Variants in SORCS2 observed in about 807,000 individuals in gnomAD.
SORCS2 encodes VPS10 domain-containing receptor SorCS2.
A neutral mutation model predicts 141.6 loss-of-function variants in SORCS2; 100 were observed. The ratio of observed to expected loss-of-function variants is 0.71; its 90% CI spans 0.60 to 0.83. SORCS2 has a LOEUF of 0.83. SORCS2 is among the 40% of genes least tolerant of loss of function. The pLI, the probability that SORCS2 is intolerant of heterozygous loss-of-function variation, is 0.00. For missense variants in SORCS2, 1,646 were observed against 1,560.2 expected, an observed-to-expected ratio of 1.05 and a Z score of -0.93; for synonymous variants, 789 against 676.9, an observed-to-expected ratio of 1.17 and a Z score of -2.57.
rs1182559464 is a variant in SORCS2 at position 7,376,778 on chromosome 4, A to G, written c.481-19510A>G. On this transcript the variant is annotated intron_variant, in intron 1 of 26. Transcript: ENST00000507866. The stretch of plus-strand genomic sequence containing the variant: ...AGAAGGGATCGTGACCAACACTCCA[A>G]TTGAGTTAAACAGGTATTTGCTGCT... 1.3e-4 allele frequency among the ~76,000 whole-genome samples: 19 copies of G among 150,520 alleles called. No homozygotes were observed. The Admixed American group carries it at 1.3e-3, about 10-fold the overall frequency.
At chr4:7,705,228 C>T (rs1293755922) in intron 14 of SORCS2, among the ~76,000 whole-genome samples, 1 of 152,082 alleles carries the variant, frequency 6.6e-6, no homozygotes, top group Non-Finnish European at 1.5e-5. Context: ...AGCCCAGGAA[C>T]ACCCAGGGCC....
chr4:7,666,977 G>A (rs1722542873), intron 7 of SORCS2, 147 bp from the exon 8 acceptor site: 1 of 704,444 alleles, frequency 1.4e-6, no homozygotes, highest in Admixed American at 2.4e-5. Flanking sequence ...AGGATGAATA[G>A]GAGTCTGTTC....
At chr4:7,529,296 C>T (rs977290406) in intron 2 of SORCS2, among the ~76,000 whole-genome samples, 3 of 152,180 alleles carry the variant, frequency 2.0e-5, no homozygotes, top group Admixed American at 2.0e-4. Context: ...CCTCCACCCG[C>T]ACCCCTACAC....
intron 3 of SORCS2, among the ~76,000 whole-genome samples, chr4:7,534,405 G>A (rs1309207227): frequency 6.6e-6 from 1 of 152,222 alleles, no homozygotes; most frequent in Non-Finnish European, 1.5e-5. Context: ...ACAGGTGAGT[G>A]CCTGGCAGAG....
intron 2 of SORCS2, among the ~76,000 whole-genome samples, chr4:7,462,050 A>G (rs530786946): frequency 6.6e-6 from 1 of 152,242 alleles, no homozygotes; most frequent in Non-Finnish European, 1.5e-5. Flanking sequence ...GGAACTGTCA[A>G]GAGAAGCCAC....
At chr4:7,726,997 C>G in intron 21 of SORCS2, 94 bp downstream of exon 21, 1 of 1,406,304 alleles carries the variant, frequency 7.1e-7, no homozygotes, top group Non-Finnish European at 9.5e-7. Context: ...CATGGATGTC[C>G]TGGTCACCCT....
At chr4:7,212,726 T>C (rs945562480) in intron 1 of SORCS2, among the ~76,000 whole-genome samples, 1 of 152,274 alleles carries the variant, frequency 6.6e-6, no homozygotes, top group Non-Finnish European at 1.5e-5. Flanking sequence ...GCCAGGGAGC[T>C]GAAACGCTTC....
intron 3 of SORCS2, among the ~76,000 whole-genome samples, chr4:7,541,745 G>C (rs1395611434): frequency 1.3e-5 from 2 of 152,226 alleles, no homozygotes; most frequent in Admixed American, 1.3e-4. Context: ...GAGTGTGCAG[G>C]GTCAGCGCCT....
chr4:7,245,904 C>A (rs923308907), intron 1 of SORCS2, among the ~76,000 whole-genome samples: 27 of 152,132 alleles, frequency 1.8e-4, no homozygotes, highest in Admixed American at 5.2e-4. Flanking sequence ...CAGGGTTGCC[C>A]AGCTGGGCTC....
intron 14 of SORCS2, among the ~76,000 whole-genome samples, chr4:7,705,268 C>T (rs1294771856): frequency 1.3e-5 from 2 of 152,124 alleles, no homozygotes; most frequent in African/African-American, 2.4e-5. Flanking sequence ...AGGAAGCCTC[C>T]GCCTCTAGAG....
intron 23 of SORCS2, among the ~76,000 whole-genome samples, chr4:7,731,661 C>T (rs1471208516): frequency 6.6e-6 from 1 of 152,192 alleles, no homozygotes; most frequent in Non-Finnish European, 1.5e-5. Context: ...TAAATCCATA[C>T]ATGTACGGTC....
chr4:7,367,885 C>T (rs902292268), intron 1 of SORCS2, among the ~76,000 whole-genome samples: 4 of 152,182 alleles, frequency 2.6e-5, no homozygotes, highest in Non-Finnish European at 5.9e-5. Flanking sequence ...GGAGCACAGG[C>T]GGAGACAGCC....
chr4:7,211,778 G>C (rs1234229373), intron 1 of SORCS2, among the ~76,000 whole-genome samples: 1 of 152,168 alleles, frequency 6.6e-6, no homozygotes. Context: ...TGTGAGAGGA[G>C]GGGTTGGGGG....
intron 1 of SORCS2, among the ~76,000 whole-genome samples, chr4:7,322,979 A>G (rs1174887576): frequency 7.3e-6 from 1 of 136,428 alleles, no homozygotes; most frequent in Non-Finnish European, 1.6e-5. Context: ...CCCGTTTTTT[A>G]TCTTTTTCTG....
intron 2 of SORCS2, among the ~76,000 whole-genome samples, chr4:7,458,206 G>A (rs1009666229): frequency 6.6e-6 from 1 of 152,154 alleles, no homozygotes; most frequent in African/African-American, 2.4e-5. Flanking sequence ...CTGTGGGGCG[G>A]GGGGAGGCGG....
intron 1 of SORCS2, among the ~76,000 whole-genome samples, chr4:7,359,942 G>T (rs916630865): frequency 6.6e-6 from 1 of 152,164 alleles, no homozygotes; most frequent in Non-Finnish European, 1.5e-5. Flanking sequence ...CACGGGGAAA[G>T]GAACCCAACA....
At chr4:7,230,567 T>G (rs1447803570) in intron 1 of SORCS2, among the ~76,000 whole-genome samples, 2 of 143,274 alleles carry the variant, frequency 1.4e-5, no homozygotes, top group Non-Finnish European at 3.0e-5. Flanking sequence ...CATGTGCTCA[T>G]GTATGAAGGA....
At position 7,206,125 on chromosome 4, in the gene SORCS2, T is replaced by C. The variant is rs549301257; in HGVS notation, c.480+12999T>C. Among the ~76,000 whole-genome samples the C allele has an allele frequency of 6.6e-5, 10 of 152,238 alleles. No individual in the cohort carries two copies. The South Asian group carries it at 1.9e-3, about 28-fold the overall frequency. On this transcript the variant is annotated intron_variant, in intron 1 of 26. Transcript: ENST00000507866. ...GTAGGACTCGGCTGGAGGGATGAGA[T>C]GGGGACAGATGGACCCCATGGGAAT...
At chr4:7,739,004 A>G (rs1307253804) in intron 26 of SORCS2, among the ~76,000 whole-genome samples, 1 of 152,198 alleles carries the variant, frequency 6.6e-6, no homozygotes, top group Non-Finnish European at 1.5e-5. Context: ...CACAGGACCC[A>G]GGTACTTCAC....
Sources: gnomAD v4.1 joint callset for allele counts (sites outside exome capture counted in the v4.1 genomes callset) on GRCh38, gnomAD v4.1.1 for gene constraint, MANE v1.5 for transcripts, NCBI Gene and HGNC (gene_info 2026-07-23, HGNC 2026-07-21) for gene names.